RASAL2: variants seen among roughly 807,000 people sequenced by gnomAD.
RASAL2 encodes the protein RAS protein activator like 2, also known as ras GTPase-activating protein nGAP.
Under a neutral mutation model 128.9 loss-of-function variants are expected in RASAL2, and 58 were observed. The ratio of observed to expected loss-of-function variants is 0.45; its 90% CI spans 0.36 to 0.56. The LOEUF is 0.56. RASAL2 is among the 20% of genes least tolerant of loss of function. The pLI is 0.00. For synonymous variants in RASAL2, 561 were observed against 580.8 expected (o/e 0.97, Z 0.49); for missense variants, 1,360 against 1,601.6 (o/e 0.85, Z 2.57).
At chr1:178,354,113 A>G (rs1670667223) in intron 3 of RASAL2, among the ~76,000 whole-genome samples, 1 of 152,222 alleles carries the variant, frequency 6.6e-6, no homozygotes, top group Non-Finnish European at 1.5e-5. Flanking sequence ...TCATTATTAT[A>G]GTTCCAGAAA....
chr1:178,212,530 C>T (rs1018083296), intron 1 of RASAL2, among the ~76,000 whole-genome samples: 3 of 152,084 alleles, frequency 2.0e-5, no homozygotes, highest in Non-Finnish European at 2.9e-5. Flanking sequence ...CTCACTCTGT[C>T]GCTCAGGCTG....
chr1:178,353,977 AAAAG>A (rs1670658755), intron 3 of RASAL2, among the ~76,000 whole-genome samples: 2 of 152,164 alleles, frequency 1.3e-5, no homozygotes, highest in African/African-American at 4.8e-5. Flanking sequence ...GTCCAAAAAA[AAAAG>A]AAGAAGGAAG....
At chr1:178,130,784 A>T (rs2102301528) in intron 1 of RASAL2, among the ~76,000 whole-genome samples, 1 of 152,326 alleles carries the variant, frequency 6.6e-6, no homozygotes, top group East Asian at 1.9e-4. Context: ...TTAAAAAATA[A>T]CATTTGTCGC....
chr1:178,372,338 CT>C (rs1671767202), intron 3 of RASAL2: 8 of 985,324 alleles, frequency 8.1e-6, no homozygotes, highest in Non-Finnish European at 9.6e-6. Flanking sequence ...GTAGGGCTTG[CT>C]TGTTCTTTTA....
chr1:178,389,764 C>T (rs927384272), intron 3 of RASAL2, among the ~76,000 whole-genome samples: 1 of 152,198 alleles, frequency 6.6e-6, no homozygotes, highest in Non-Finnish European at 1.5e-5. Flanking sequence ...TTAACTCCTA[C>T]ATTGCTGACA....
At chr1:178,276,467 A>C (rs1666515432) in intron 1 of RASAL2, among the ~76,000 whole-genome samples, 1 of 152,140 alleles carries the variant, frequency 6.6e-6, no homozygotes, top group Admixed American at 6.5e-5. Context: ...TAATTTGAGC[A>C]TAAATCTGCA....
At chr1:178,185,116 T>C (rs1662245256) in intron 1 of RASAL2, among the ~76,000 whole-genome samples, 1 of 151,954 alleles carries the variant, frequency 6.6e-6, no homozygotes, top group African/African-American at 2.4e-5. Flanking sequence ...TTTTTGTTTT[T>C]TTTTTTTTAA....
chr1:178,466,482 A>G (rs1217620813), intron 16 of RASAL2, among the ~76,000 whole-genome samples: 1 of 152,234 alleles, frequency 6.6e-6, no homozygotes, highest in Non-Finnish European at 1.5e-5. Context: ...GAATATCTTT[A>G]GGGCCAGAGG....
intron 3 of RASAL2, among the ~76,000 whole-genome samples, chr1:178,355,685 C>CA (rs1670765535): frequency 3.3e-5 from 5 of 152,118 alleles, no homozygotes; most frequent in East Asian, 1.9e-4. Context: ...ACTGAAAGTG[C>CA]AAAAAGTCAA....
chr1:178,178,787 C>T (rs1260532484), intron 1 of RASAL2, among the ~76,000 whole-genome samples: 1 of 152,088 alleles, frequency 6.6e-6, no homozygotes, highest in Admixed American at 6.6e-5. Context: ...AGATTGTTCT[C>T]ATTAATTGAG....
chr1:178,191,479 C>A (rs1662493860), intron 1 of RASAL2, among the ~76,000 whole-genome samples: 1 of 152,110 alleles, frequency 6.6e-6, no homozygotes, highest in African/African-American at 2.4e-5. Context: ...CTTGACATAG[C>A]CTGGTAACAG....
intron 1 of RASAL2, among the ~76,000 whole-genome samples, chr1:178,226,283 G>A (rs1487783224): frequency 6.6e-6 from 1 of 152,066 alleles, no homozygotes; most frequent in African/African-American, 2.4e-5. Context: ...TGTTTTTTGG[G>A]GGGGCATGTT....
intron 1 of RASAL2, among the ~76,000 whole-genome samples, chr1:178,147,357 G>A (rs316253): frequency 0.26 from 39,603 of 151,672 alleles, 6,177 homozygotes; most frequent in Middle Eastern, 0.37. Context: ...GGGCGTGGTA[G>A]TGTGTGCCTG....
intron 5 of RASAL2, among the ~76,000 whole-genome samples, chr1:178,429,788 C>T (rs947941001): frequency 6.6e-6 from 1 of 152,104 alleles, no homozygotes; most frequent in Non-Finnish European, 1.5e-5. Context: ...TTTGATCTTA[C>T]TGTCTCCTCT....
At chr1:178,287,552 A>T (rs1667087658) in intron 2 of RASAL2, among the ~76,000 whole-genome samples, 1 of 152,218 alleles carries the variant, frequency 6.6e-6, no homozygotes, top group Admixed American at 6.5e-5. Context: ...ACATGTTTAC[A>T]GCAGCACAAT....
chr1:178,253,863 T>C (rs2102097195), intron 1 of RASAL2, among the ~76,000 whole-genome samples: 1 of 152,340 alleles, frequency 6.6e-6, no homozygotes, highest in East Asian at 1.9e-4. Flanking sequence ...CTTCACTTGC[T>C]TCGGGCCATC....
intron 5 of RASAL2, among the ~76,000 whole-genome samples, chr1:178,426,349 T>C (rs1038366137): frequency 6.6e-6 from 1 of 152,144 alleles, no homozygotes; most frequent in Non-Finnish European, 1.5e-5. Context: ...TTGCAATGTG[T>C]ATGCATGTTT....
At chr1:178,225,379 A>G (rs973816148) in intron 1 of RASAL2, among the ~76,000 whole-genome samples, 1 of 152,118 alleles carries the variant, frequency 6.6e-6, no homozygotes, top group African/African-American at 2.4e-5. Flanking sequence ...CTTGATGCAT[A>G]TGATTCTACC....
At chr1:178,151,862 C>A (rs368205122) in intron 1 of RASAL2, among the ~76,000 whole-genome samples, 2 of 152,144 alleles carry the variant, frequency 1.3e-5, no homozygotes, top group African/African-American at 4.8e-5. Context: ...ACCCAGAGGA[C>A]GTCTGTATAG....
Sources: gnomAD v4.1 joint callset for allele counts (sites outside exome capture counted in the v4.1 genomes callset) on GRCh38, gnomAD v4.1.1 for gene constraint, MANE v1.5 for transcripts, NCBI Gene and HGNC (gene_info 2026-07-23, HGNC 2026-07-21) for gene names.